ERC2: variants seen among roughly 807,000 people sequenced by gnomAD.
ERC2 encodes the protein ERC protein 2.
Under a neutral mutation model 114.8 loss-of-function variants are expected in ERC2, and 42 were observed. The observed-to-expected ratio is 0.37, with a 90% CI of 0.29 to 0.47. The LOEUF (loss-of-function observed/expected upper bound fraction) is 0.47. Ranked by LOEUF, ERC2 falls within the 20% of genes least tolerant of loss-of-function variation. The pLI is 0.99. For missense variants in ERC2, 939 were observed against 1,150.7 expected (o/e 0.82, Z 2.66); for synonymous variants, 454 against 425.5 (o/e 1.07, Z -0.82).
chr3:56,228,067 A>G (rs2050368339), intron 3 of ERC2, among the ~76,000 whole-genome samples: 2 of 152,220 alleles, frequency 1.3e-5, no homozygotes, highest in South Asian at 4.1e-4. Context: ...GGGCTGGCAG[A>G]AGAGTGATTA....
intron 3 of ERC2, among the ~76,000 whole-genome samples, chr3:56,222,733 A>C (rs1000862562): frequency 2.0e-5 from 3 of 152,246 alleles, no homozygotes; most frequent in African/African-American, 7.2e-5. Context: ...AGATGAATGA[A>C]TGATAAACAA....
At chr3:56,201,465 C>T (rs1299316661) in intron 3 of ERC2, among the ~76,000 whole-genome samples, 1 of 152,194 alleles carries the variant, frequency 6.6e-6, no homozygotes, top group Non-Finnish European at 1.5e-5. Context: ...GGCCCAAGCC[C>T]TCTTTCCTTA....
chr3:56,082,462 T>G (rs1171575813), intron 6 of ERC2, among the ~76,000 whole-genome samples: 1 of 152,050 alleles, frequency 6.6e-6, no homozygotes, highest in African/African-American at 2.4e-5. Context: ...AGCCACCCAG[T>G]CTCGGTGCTT....
At chr3:55,684,353 G>A (rs538444189) in intron 16 of ERC2, among the ~76,000 whole-genome samples, 2 of 151,852 alleles carry the variant, frequency 1.3e-5, no homozygotes, top group Non-Finnish European at 2.9e-5. Context: ...TCCATCTACT[G>A]GGGTGGAACA....
At position 55,510,104 on chromosome 3, in the gene ERC2, TC is replaced by T. The variant is rs1385945364; in HGVS notation, c.*1211del. ...GTATGTAAAAGACCTCAAAATTTGGTCTTTTTCCCTGGCATGTGCTTTAAAT... is the reference window on the plus strand; with the variant it reads ...GTATGTAAAAGACCTCAAAATTTGGTTTTTTCCCTGGCATGTGCTTTAAAT... On this transcript the variant is annotated 3_prime_UTR_variant, in exon 18 of 18. Coordinates refer to ENST00000288221, the MANE Select transcript of ERC2 (RefSeq NM_015576.3). The T allele has an allele frequency of 3.3e-5, 5 of 152,596 alleles. No homozygotes were observed. Among genetic ancestry groups the T allele is most frequent in the African/African-American group, 1.2e-4 (5 of 41,454 alleles). The allele number at this position is 152,596 out of a possible 1,614,324, so 9.5% of individuals were successfully genotyped here.
At chr3:56,275,249 C>A (rs1460736879) in intron 3 of ERC2, among the ~76,000 whole-genome samples, 1 of 152,228 alleles carries the variant, frequency 6.6e-6, no homozygotes, top group East Asian at 1.9e-4. Context: ...GCTGGCAGAG[C>A]ACTAACTCAA....
intron 14 of ERC2, among the ~76,000 whole-genome samples, chr3:55,802,745 T>A (rs1450234788): frequency 6.6e-6 from 1 of 152,112 alleles, no homozygotes; most frequent in Non-Finnish European, 1.5e-5. Context: ...GTTAAGGAAA[T>A]CAGCAAGTTT....
intron 13 of ERC2, among the ~76,000 whole-genome samples, chr3:55,949,247 G>A (rs1427456303): frequency 6.6e-6 from 1 of 152,154 alleles, no homozygotes; most frequent in Non-Finnish European, 1.5e-5. Flanking sequence ...GCGGGAGCCT[G>A]TAGTCCCAGC....
chr3:55,699,491 T>C lies in ERC2; in HGVS notation c.2734A>G (p.Met912Val). Residue 912 changes from methionine (M) to valine (V), a missense_variant, in exon 16 of 18, where the codon ATG (methionine) becomes GTG (valine). By Grantham distance (21) the Met-to-Val change is conservative (BLOSUM62 1). Coordinates refer to ENST00000288221, the MANE Select transcript of ERC2 (RefSeq NM_015576.3). ...TGGTCATCATCATAGTTGTCTGCCA[T>C]CAACTTCATTCTGTTCTGGGTCTGT... ...KQQTQNRMKL[M>V]ADNYDDDHHH... 6.2e-7 allele frequency: 1 copy of C among 1,612,868 alleles called. No individual in the cohort carries two copies. The highest frequency in any genetic ancestry group is 8.5e-7 in the Non-Finnish European group (1 of 1,179,128).
At chr3:55,744,859 C>T (rs2066210137) in intron 14 of ERC2, among the ~76,000 whole-genome samples, 1 of 152,338 alleles carries the variant, frequency 6.6e-6, no homozygotes, top group South Asian at 2.1e-4. Flanking sequence ...CTACCGGTAA[C>T]CGGATCATCG....
At chr3:56,436,904 T>C (rs2062046015) in intron 1 of ERC2, among the ~76,000 whole-genome samples, 1 of 152,210 alleles carries the variant, frequency 6.6e-6, no homozygotes, top group Non-Finnish European at 1.5e-5. Context: ...GTGACATCAC[T>C]TCATACTCCA....
intron 3 of ERC2, among the ~76,000 whole-genome samples, chr3:56,222,922 C>T (rs114126641): frequency 1.2e-3 from 184 of 152,344 alleles, no homozygotes; most frequent in African/African-American, 4.4e-3. Context: ...TTTCCTCCAT[C>T]CTGGGAACAA....
At chr3:56,449,538 G>C (rs932925883) in intron 1 of ERC2, among the ~76,000 whole-genome samples, 1 of 152,290 alleles carries the variant, frequency 6.6e-6, no homozygotes, top group Non-Finnish European at 1.5e-5. Context: ...TTCCATGGCA[G>C]TTATAGGACA....
chr3:55,640,240 C>G (rs78413815), intron 17 of ERC2, among the ~76,000 whole-genome samples: 1 of 152,184 alleles, frequency 6.6e-6, no homozygotes, highest in Non-Finnish European at 1.5e-5. Context: ...CTGTCTTTGT[C>G]AAGGAATGAG....
At chr3:55,586,235 G>A (rs1012192658) in intron 17 of ERC2, among the ~76,000 whole-genome samples, 2 of 152,130 alleles carry the variant, frequency 1.3e-5, no homozygotes, top group Non-Finnish European at 2.9e-5. Flanking sequence ...GGTGGCCCTC[G>A]GACTGTGAGT....
chr3:56,381,358 G>A (rs991575806), intron 2 of ERC2, among the ~76,000 whole-genome samples: 1 of 152,090 alleles, frequency 6.6e-6, no homozygotes, highest in East Asian at 1.9e-4. Flanking sequence ...CAAAATTCAC[G>A]CACACTCAGG....
chr3:56,382,084 G>A (rs1245310581), intron 2 of ERC2, among the ~76,000 whole-genome samples: 1 of 151,982 alleles, frequency 6.6e-6, no homozygotes, highest in Non-Finnish European at 1.5e-5. Context: ...ACCCAGAAAT[G>A]GAAACCACAG....
rs930427805 is a variant in ERC2, at chr3:55,937,874, G to A, written c.2403+12551C>T. On this transcript the variant is annotated intron_variant, in intron 13 of 17. Coordinates refer to ENST00000288221, the MANE Select transcript of ERC2 (RefSeq NM_015576.3). ...TTATATTTACTGACTCATAAATGAC[G>A]GGAAGAAGTGGTCATCAGAGCCAGG... is the stretch of plus-strand genomic sequence containing the variant. 3.6e-4 allele frequency among the ~76,000 whole-genome samples: 54 copies of A among 152,112 alleles called. 1 individual carries two copies. Among genetic ancestry groups the A allele is most frequent in the South Asian group, 2.1e-4 (1 of 4,822 alleles).
chr3:56,033,023 A>G (rs868132965), intron 7 of ERC2, among the ~76,000 whole-genome samples: 19 of 65,170 alleles, frequency 2.9e-4, no homozygotes, highest in South Asian at 1.1e-3. Flanking sequence ...AAGAAAGAAA[A>G]AAGAAACAGA....
Sources: gnomAD v4.1 joint callset for allele counts (sites outside exome capture counted in the v4.1 genomes callset) on GRCh38, gnomAD v4.1.1 for gene constraint, MANE v1.5 for transcripts, NCBI Gene and HGNC (gene_info 2026-07-23, HGNC 2026-07-21) for gene names.